RABGEF1: variants seen among roughly 807,000 people sequenced by gnomAD.
RABGEF1 encodes the protein rab5 GDP/GTP exchange factor.
A neutral mutation model predicts 57.3 loss-of-function variants in RABGEF1; 26 were observed. That is an observed-to-expected ratio of 0.45 (90% CI 0.33 to 0.63). The LOEUF is 0.63. Ranked by LOEUF, RABGEF1 falls within the 20% of genes least tolerant of loss-of-function variation. RABGEF1 has a pLI of 0.02. For synonymous variants in RABGEF1, 185 were observed against 210.7 expected (o/e 0.88, Z 1.06); for missense variants, 464 against 607.6 (o/e 0.76, Z 2.48).
chr7:66,714,045 A>C (rs1795080130), intron 2 of RABGEF1, among the ~76,000 whole-genome samples: 9 of 152,084 alleles, frequency 5.9e-5, no homozygotes, highest in Admixed American at 5.9e-4. Context: ...GTACTACCAT[A>C]GTCTAGTTTT....
At chr7:66,756,702 ACTCAT>A (rs1802807984) in intron 1 of RABGEF1, among the ~76,000 whole-genome samples, 1 of 151,740 alleles carries the variant, frequency 6.6e-6, no homozygotes, top group Non-Finnish European at 1.5e-5. Context: ...CTTAGATGAC[ACTCAT>A]CTCTTTAGAA....
At chr7:66,682,677 G>C (rs1789952334) in intron 1 of RABGEF1, among the ~76,000 whole-genome samples, 1 of 147,966 alleles carries the variant, frequency 6.8e-6, no homozygotes, top group East Asian at 2.0e-4. Flanking sequence ...GGGATGGGAC[G>C]CTCGGACCCA....
chr7:66,700,934 G>C (rs1353974111), intron 1 of RABGEF1, among the ~76,000 whole-genome samples: 1 of 152,220 alleles, frequency 6.6e-6, no homozygotes. Flanking sequence ...GGTTTGCTCT[G>C]GGGTGGCAGA....
At chr7:66,743,175 G>A (rs570435799) in intron 1 of RABGEF1, among the ~76,000 whole-genome samples, 1 of 152,184 alleles carries the variant, frequency 6.6e-6, no homozygotes, top group East Asian at 1.9e-4. Context: ...TGGTGTGATG[G>A]CGCCTGCCGT....
chr7:66,690,104 T>C (rs1447001946), intron 1 of RABGEF1, among the ~76,000 whole-genome samples: 1 of 147,074 alleles, frequency 6.8e-6, no homozygotes, highest in East Asian at 2.0e-4. Flanking sequence ...AAAATTCTTT[T>C]TTTTTTTTTT....
At chr7:66,707,220 T>C (rs1175300055) in intron 1 of RABGEF1, among the ~76,000 whole-genome samples, 1 of 152,250 alleles carries the variant, frequency 6.6e-6, no homozygotes, top group East Asian at 1.9e-4. Context: ...ATTTTAACAA[T>C]TTATTAAGAC....
intron 4 of RABGEF1, among the ~76,000 whole-genome samples, chr7:66,794,668 A>T (rs1813584126): frequency 6.6e-6 from 1 of 152,220 alleles, no homozygotes; most frequent in Admixed American, 6.5e-5. Context: ...TGTGGCTAGC[A>T]ATAGATACTT....
At chr7:66,674,666 A>G in the RABGEF1 span, among the ~76,000 whole-genome samples, 1 of 152,174 alleles carries the variant, frequency 6.6e-6, no homozygotes, top group African/African-American at 2.4e-5. Context: ...GATAAATTTC[A>G]AAAACATGTT....
chr7:66,699,647 G>A (rs545931661), intron 1 of RABGEF1, among the ~76,000 whole-genome samples: 11 of 151,386 alleles, frequency 7.3e-5, no homozygotes, highest in African/African-American at 2.7e-4. Context: ...AGCTGGGATC[G>A]TGCCACTGCA....
the RABGEF1 span, among the ~76,000 whole-genome samples, chr7:66,674,015 G>A: frequency 1.3e-5 from 2 of 152,216 alleles, no homozygotes; most frequent in Non-Finnish European, 2.9e-5. Flanking sequence ...TACCTGCTCT[G>A]CATAGCTACA....
chr7:66,664,118 G>T, the RABGEF1 span, among the ~76,000 whole-genome samples: 1 of 151,290 alleles, frequency 6.6e-6, no homozygotes, highest in Non-Finnish European at 1.5e-5. Flanking sequence ...TGCTGCAGCA[G>T]TTTTGAGTAA....
the RABGEF1 span, among the ~76,000 whole-genome samples, chr7:66,664,228 G>T: frequency 6.6e-6 from 1 of 152,112 alleles, no homozygotes; most frequent in Non-Finnish European, 1.5e-5. Flanking sequence ...CAGGTTGGAG[G>T]ACATGAAGGA....
At chr7:66,718,533 C>T (rs532707765) in intron 2 of RABGEF1, among the ~76,000 whole-genome samples, 4 of 151,472 alleles carry the variant, frequency 2.6e-5, no homozygotes, top group South Asian at 2.1e-4. Context: ...CATAGTGTTA[C>T]GTGGTTAAAT....
At chr7:66,791,489 C>CA (rs1227885228) in intron 4 of RABGEF1, among the ~76,000 whole-genome samples, 2 of 151,912 alleles carry the variant, frequency 1.3e-5, no homozygotes, top group Non-Finnish European at 2.9e-5. Context: ...ATTGGTAATA[C>CA]AAAAAAATAT....
intron 2 of RABGEF1, among the ~76,000 whole-genome samples, chr7:66,713,204 C>T (rs992999957): frequency 4.7e-5 from 7 of 149,124 alleles, no homozygotes; most frequent in Admixed American, 6.7e-5. Flanking sequence ...TGCAGTGGTG[C>T]GATCTCAGCT....
intron 1 of RABGEF1, among the ~76,000 whole-genome samples, chr7:66,762,767 A>G (rs1175564483): frequency 6.6e-6 from 1 of 152,118 alleles, no homozygotes; most frequent in African/African-American, 2.4e-5. Flanking sequence ...GAGAAATGGC[A>G]TTGGGTCCAA....
At chr7:66,667,718 G>T in the RABGEF1 span, 1 of 152,280 alleles carries the variant, frequency 6.6e-6, no homozygotes, top group African/African-American at 2.4e-5. Flanking sequence ...GCCCTGTGCA[G>T]GTCCCTGGAG....
intron 2 of RABGEF1, among the ~76,000 whole-genome samples, chr7:66,717,326 C>T (rs1412533283): frequency 6.6e-6 from 1 of 152,112 alleles, no homozygotes; most frequent in African/African-American, 2.4e-5. Flanking sequence ...TTCCCCTGTC[C>T]TTACTATGTT....
At chr7:66,689,252 T>C (rs1290268064) in intron 1 of RABGEF1, among the ~76,000 whole-genome samples, 2 of 149,678 alleles carry the variant, frequency 1.3e-5, no homozygotes, top group African/African-American at 4.9e-5. Context: ...AAGAAGAGAA[T>C]AGGTAGAATT....
Sources: gnomAD v4.1 joint callset for allele counts (sites outside exome capture counted in the v4.1 genomes callset) on GRCh38, gnomAD v4.1.1 for gene constraint, MANE v1.5 for transcripts, NCBI Gene and HGNC (gene_info 2026-07-23, HGNC 2026-07-21) for gene names.